The following HTR2C variants were observed in gnomAD, a reference collection of about 807,000 sequenced individuals.
HTR2C encodes 5-hydroxytryptamine receptor 2C, also known as 5-hydroxytryptamine (serotonin) receptor 2C, G protein-coupled.
HTR2C carries 5 observed loss-of-function variants against 21.0 expected under a neutral mutation model. The observed-to-expected ratio is 0.24, with a 90% confidence interval of 0.12 to 0.50. The LOEUF (loss-of-function observed/expected upper bound fraction) is 0.50. Ranked by LOEUF, HTR2C falls within the 20% of genes least tolerant of loss-of-function variation. The pLI is 0.98. For synonymous variants in HTR2C, 150 were observed against 145.3 expected, an observed-to-expected ratio of 1.03 and a Z score of -0.23; for missense variants, 271 against 371.2, an observed-to-expected ratio of 0.73 and a Z score of 2.22.
At chrX:114,709,659 C>T (rs1556418968) in intron 2 of HTR2C, among the ~76,000 whole-genome samples, 1 of 111,577 alleles carries the variant, frequency 9.0e-6, no homozygotes, top group African/African-American at 3.3e-5. Flanking sequence ...GCAGGGCTTC[C>T]AGACATCTAG....
intron 4 of HTR2C, among the ~76,000 whole-genome samples, chrX:114,803,101 T>C: frequency 1.1e-5 from 1 of 93,750 alleles, no homozygotes; most frequent in African/African-American, 3.8e-5. Context: ...ATGGCGTATA[T>C]GTGCCACATT....
At chrX:114,807,287 A>ATG (rs1826350910) in intron 4 of HTR2C, among the ~76,000 whole-genome samples, 1 of 106,350 alleles carries the variant, frequency 9.4e-6, no homozygotes, top group African/African-American at 3.3e-5. Context: ...TATATACACC[A>ATG]TATATATACC....
At chrX:114,879,344 T>A (rs2147517644) in intron 5 of HTR2C, among the ~76,000 whole-genome samples, 1 of 110,442 alleles carries the variant, frequency 9.1e-6, no homozygotes, top group South Asian at 3.7e-4. Flanking sequence ...TTTAATTTTT[T>A]ATTTTTAGCT....
chrX:114,769,133 A>C (rs2069974709), intron 4 of HTR2C, among the ~76,000 whole-genome samples: 1 of 111,734 alleles, frequency 8.9e-6, no homozygotes, highest in Non-Finnish European at 1.9e-5. Flanking sequence ...AGTTAAACCT[A>C]GACTCACCTT....
At chrX:114,761,036 A>G (rs1174524806) in intron 4 of HTR2C, among the ~76,000 whole-genome samples, 8 of 111,306 alleles carry the variant, frequency 7.2e-5, no homozygotes, top group African/African-American at 2.0e-4. Flanking sequence ...TTTTAGTAGC[A>G]TTTTTTTTCT....
intron 2 of HTR2C, among the ~76,000 whole-genome samples, chrX:114,701,777 A>C (rs1353255359): frequency 8.9e-6 from 1 of 112,004 alleles, no homozygotes; most frequent in Non-Finnish European, 1.9e-5. Flanking sequence ...TACAGGAGGA[A>C]ATTCAAACCA....
intron 1 of HTR2C, among the ~76,000 whole-genome samples, chrX:114,599,408 A>G (rs183602601): frequency 1.8e-5 from 2 of 112,120 alleles, no homozygotes; most frequent in Admixed American, 9.5e-5. Context: ...AAAGAGCTCA[A>G]GACTGGATGC....
intron 1 of HTR2C, among the ~76,000 whole-genome samples, chrX:114,601,690 G>A (rs1556394481): frequency 9.2e-6 from 1 of 109,027 alleles, no homozygotes; most frequent in Non-Finnish European, 1.9e-5. Context: ...CACAGGGGAT[G>A]CGATGGCTTG....
chrX:114,810,752 A>ATGAAGGTGCTT (rs1341909453), intron 4 of HTR2C, among the ~76,000 whole-genome samples: 1 of 108,388 alleles, frequency 9.2e-6, no homozygotes, highest in Non-Finnish European at 1.9e-5. Flanking sequence ...TTTTCTTTGT[A>ATGAAGGTGCTT]TGAAGGTGCT....
intron 2 of HTR2C, among the ~76,000 whole-genome samples, chrX:114,718,987 AATAATATAAT>A (rs1236333187): frequency 0.19 from 3,936 of 20,715 alleles, 63 homozygotes; most frequent in East Asian, 0.31. Context: ...TATATAATAT[AATAATATAAT>A]ATATAATAAT....
intron 2 of HTR2C, among the ~76,000 whole-genome samples, chrX:114,632,988 C>G (rs782121213): frequency 9.0e-6 from 1 of 110,544 alleles, no homozygotes; most frequent in East Asian, 2.8e-4. Flanking sequence ...CATCCCTTAC[C>G]CATAAACACA....
intron 4 of HTR2C, among the ~76,000 whole-genome samples, chrX:114,828,487 T>G (rs1441347028): frequency 4.5e-5 from 5 of 111,966 alleles, no homozygotes; most frequent in Non-Finnish European, 9.4e-5. Flanking sequence ...TTTCTAATTC[T>G]GTGTATATTT....
At chrX:114,814,782 T>TATATAGTATATATC (rs1304174151) in intron 4 of HTR2C, among the ~76,000 whole-genome samples, 56 of 100,109 alleles carry the variant, frequency 5.6e-4, no homozygotes, top group Non-Finnish European at 8.3e-4. Flanking sequence ...ATAATAATAT[T>TATATAGTATATATC]ATATAGTATA....
At chrX:114,814,676 T>C (rs2070564664) in intron 4 of HTR2C, among the ~76,000 whole-genome samples, 1 of 106,526 alleles carries the variant, frequency 9.4e-6, no homozygotes, top group South Asian at 3.8e-4. Flanking sequence ...TCAAATTATT[T>C]ACTGAAAGAA....
intron 2 of HTR2C, among the ~76,000 whole-genome samples, chrX:114,712,926 T>A (rs973854376): frequency 9.0e-6 from 1 of 111,198 alleles, no homozygotes; most frequent in Non-Finnish European, 1.9e-5. Context: ...ATAATTAGAA[T>A]AATGTTTTTG....
chrX:114,608,692 C>T (rs910091096), intron 1 of HTR2C, among the ~76,000 whole-genome samples: 32 of 111,821 alleles, frequency 2.9e-4, no homozygotes, highest in African/African-American at 9.7e-4. Flanking sequence ...TTTTGCTATT[C>T]AATTTTATTT....
chrX:114,814,372 C>A (rs781835572), intron 4 of HTR2C, among the ~76,000 whole-genome samples: 1 of 110,214 alleles, frequency 9.1e-6, no homozygotes, highest in East Asian at 2.8e-4. Flanking sequence ...CTATTAAAAT[C>A]CTATAGATTT....
chrX:114,633,343 A>G (rs1437464913), intron 2 of HTR2C, among the ~76,000 whole-genome samples: 1 of 112,236 alleles, frequency 8.9e-6, no homozygotes, highest in Non-Finnish European at 1.9e-5. Context: ...CTGTAGTTGA[A>G]TGAAGTATTA....
chrX:114,780,510 A>G (rs1157632041), intron 4 of HTR2C, among the ~76,000 whole-genome samples: 1 of 111,653 alleles, frequency 9.0e-6, no homozygotes, highest in Non-Finnish European at 1.9e-5. Flanking sequence ...CCATAAGTAT[A>G]AGGATAAAAC....
Sources: allele counts gnomAD v4.1 joint callset (sites outside exome capture counted in the v4.1 genomes callset), GRCh38; gene constraint gnomAD v4.1.1; transcripts MANE v1.5; gene names NCBI Gene and HGNC (gene_info 2026-07-23, HGNC 2026-07-21).